Variants in ACSBG1 observed in about 807,000 individuals in gnomAD.
ACSBG1 encodes the protein long-chain-fatty-acid--CoA ligase ACSBG1.
ACSBG1 carries 39 observed loss-of-function variants against 80.2 expected under a neutral mutation model. The observed-to-expected ratio is 0.49, with a 90% CI of 0.38 to 0.64. ACSBG1 has a LOEUF of 0.64. Among genes scored for constraint, ACSBG1 ranks in the 30% least tolerant of loss-of-function variants. The pLI, the probability that ACSBG1 is intolerant of heterozygous loss-of-function variation, is 0.00. For synonymous variants in ACSBG1, 392 were observed against 379.5 expected, an observed-to-expected ratio of 1.03 and a Z score of -0.38; for missense variants, 828 against 966.4, an observed-to-expected ratio of 0.86 and a Z score of 1.90.
chr15:78,178,473 T>C lies in ACSBG1; in HGVS notation c.1702+141A>G. 1.1e-6 allele frequency: 1 copy of C among 902,904 alleles called. No individual in the cohort carries two copies. The highest frequency in any genetic ancestry group is 1.6e-6 in the Non-Finnish European group (1 of 621,988). The allele number at this position is 902,904 out of a possible 1,614,324, so 55.9% of individuals were successfully genotyped here. On this transcript the variant is annotated intron_variant, in intron 11 of 13. Coordinates refer to ENST00000258873, the MANE Select transcript of ACSBG1 (RefSeq NM_015162.5). This position sits in a 1 kb window ranked among gnomAD's most constrained non-coding sequence, Gnocchi z 4.3. Reference sequence around the variant, plus strand: ...GCCACCACGCCCAGCTAATTTTTCGTGTGTTTTTAGTAGAGATGGGGTTTC... The same window carrying C: ...GCCACCACGCCCAGCTAATTTTTCGCGTGTTTTTAGTAGAGATGGGGTTTC...
At chr15:78,175,275 A>C (rs2074871504) in intron 11 of ACSBG1, among the ~76,000 whole-genome samples, 1 of 152,264 alleles carries the variant, frequency 6.6e-6, no homozygotes, top group African/African-American at 2.4e-5. Context: ...AAATTTAACG[A>C]ATGTACATTG....
chr15:78,223,316 T>C (rs2075374149), intron 1 of ACSBG1, among the ~76,000 whole-genome samples: 1 of 151,914 alleles, frequency 6.6e-6, no homozygotes, highest in Admixed American at 6.6e-5. Context: ...TCAGGAAAAA[T>C]AGCTAATGCA....
chr15:78,180,629 C>T (rs961079691), intron 9 of ACSBG1, 126 bp downstream of exon 9: 41 of 1,248,936 alleles, frequency 3.3e-5, no homozygotes, highest in African/African-American at 1.1e-4. Flanking sequence ...GGCCTCTGCA[C>T]GGGGTCTCCA....
At position 78,172,387 on chromosome 15, in the gene ACSBG1, G is replaced by A. The variant is rs1024143815; in HGVS notation, c.2090-858C>T. Among the ~76,000 whole-genome samples, 2 of 152,108 alleles carry A rather than the reference G, an allele frequency of 1.3e-5. No homozygotes were observed. The highest frequency in any genetic ancestry group is 2.4e-5 in the African/African-American group (1 of 41,406). On this transcript the variant is annotated intron_variant, in intron 13 of 13. Transcript: ENST00000258873. This position sits in a 1 kb window ranked among gnomAD's most constrained non-coding sequence, Gnocchi z 4.1. ...CTTTGATGGTTGTGATGGGGGTAGG[G>A]GAAGCCCAGGTTATGGGGAGCCTCT...
chr15:78,217,808 G>A (rs1316629025), intron 1 of ACSBG1, among the ~76,000 whole-genome samples: 10 of 151,996 alleles, frequency 6.6e-5, no homozygotes, highest in African/African-American at 9.7e-5. Flanking sequence ...CTCGTGATCC[G>A]CCTGCCTCGG....
chr15:78,201,770 C>G lies in ACSBG1; in HGVS notation c.232+6232G>C, dbSNP rs191263209. 1.3e-3 allele frequency among the ~76,000 whole-genome samples: 201 copies of G among 152,334 alleles called. 2 individuals carry two copies. The highest frequency in any genetic ancestry group is 4.6e-3 in the African/African-American group (192 of 41,564). ...TAGAAGGGCTGGGCCTGGGTTTTAG[C>G]TACTGGCAAGGTACGCCAAATGCAA... On this transcript the variant is annotated intron_variant, in intron 2 of 13. Transcript: ENST00000258873.
At chr15:78,185,035 AAAGGGGCGGAGGG>A (rs2074985287) in intron 5 of ACSBG1, among the ~76,000 whole-genome samples, 1 of 136,998 alleles carries the variant, frequency 7.3e-6, no homozygotes, top group Non-Finnish European at 1.5e-5. Flanking sequence ...AGAGGGAGAG[AAAGGGGCGGAGGG>A]GAGGGAGAGA....
intron 1 of ACSBG1, among the ~76,000 whole-genome samples, chr15:78,210,073 T>C (rs935083141): frequency 7.2e-5 from 11 of 152,218 alleles, no homozygotes; most frequent in African/African-American, 2.4e-4. Context: ...ATAGGGACGA[T>C]GAGGCTGTTG....
At chr15:78,215,688 G>A (rs1203909578) in intron 1 of ACSBG1, among the ~76,000 whole-genome samples, 2 of 136,602 alleles carry the variant, frequency 1.5e-5, no homozygotes, top group African/African-American at 5.5e-5. Flanking sequence ...AGAAGGGAAG[G>A]GAAAAGAAAA....
At chr15:78,215,281 T>C (rs754240707) in intron 1 of ACSBG1, among the ~76,000 whole-genome samples, 1 of 152,168 alleles carries the variant, frequency 6.6e-6, no homozygotes, top group Non-Finnish European at 1.5e-5. Context: ...TTGACGTTGG[T>C]AGAGAATGAC....
In ACSBG1 at chr15:78,180,891, T is replaced by A; in HGVS notation, c.1117A>T (p.Met373Leu). ...TLREVEPTSHMGVPRVWEKIM... is the reference protein window; with the variant it reads ...TLREVEPTSHLGVPRVWEKIM... The stretch of plus-strand genomic sequence containing the variant: ...TTCTCCCATACCCGGGGCACCCCCA[T>A]GTGTGATGTGGGCTCCACCTCCCGC... The change falls in exon 9 of 14, where the codon ATG (methionine) becomes TTG (leucine). Residue 373 changes from methionine (M) to leucine (L), a missense_variant. Coordinates refer to ENST00000258873, the MANE Select transcript of ACSBG1 (RefSeq NM_015162.5). The A allele has an allele frequency of 6.2e-7, 1 of 1,614,216 alleles. No homozygotes were observed. The highest frequency in any genetic ancestry group is 2.2e-5 in the East Asian group (1 of 44,882).
Position 78,177,568 on chromosome 15 carries a change from C to T in ACSBG1, c.1702+1046G>A, listed in dbSNP as rs559578413. Reference sequence around the variant, plus strand: ...ACAAAGAGGCACACTAGGCGGCGCCCATGGCACATCCAAGCAGTCACCTGT... The same window carrying T: ...ACAAAGAGGCACACTAGGCGGCGCCTATGGCACATCCAAGCAGTCACCTGT... On this transcript the variant is annotated intron_variant, in intron 11 of 13. Transcript: ENST00000258873. This position sits in a 1 kb window ranked among gnomAD's most constrained non-coding sequence, Gnocchi z 4.1. 6.6e-6 allele frequency among the ~76,000 whole-genome samples: 1 copy of T among 152,282 alleles called. No individual in the cohort carries two copies. The highest frequency in any genetic ancestry group is 2.4e-5 in the African/African-American group (1 of 41,558).
chr15:78,180,608 G>A (rs1595881797), intron 9 of ACSBG1, 147 bp downstream of exon 9: 3 of 1,010,352 alleles, frequency 3.0e-6, no homozygotes, highest in Non-Finnish European at 2.8e-6. Flanking sequence ...CTCAAGCCCA[G>A]TCATTGATGG....
rs531699834 is a variant in ACSBG1 at position 78,202,899 on chromosome 15, C to A, written c.232+5103G>T. Among the ~76,000 whole-genome samples, 19 of 152,318 alleles carry A rather than the reference C, an allele frequency of 1.2e-4. No individual in the cohort carries two copies. The South Asian group carries it at 3.9e-3, about 32-fold the overall frequency. ...TGTCTATTAGCAAAGCCATTGGAAACAACCCGAATGTCCAACAGGGGACTG... is the reference window on the plus strand; with the variant it reads ...TGTCTATTAGCAAAGCCATTGGAAAAAACCCGAATGTCCAACAGGGGACTG... On this transcript the variant is annotated intron_variant, in intron 2 of 13. Transcript: ENST00000258873.
At chr15:78,213,324 T>C (rs1001568417) in intron 1 of ACSBG1, 4 of 152,362 alleles carry the variant, frequency 2.6e-5, no homozygotes, top group African/African-American at 4.8e-5. Flanking sequence ...ACTTCAAAGA[T>C]TGGGCCTCTG....
chr15:78,211,700 T>C (rs2075268690), intron 1 of ACSBG1, among the ~76,000 whole-genome samples: 1 of 152,146 alleles, frequency 6.6e-6, no homozygotes, highest in Admixed American at 6.5e-5. Flanking sequence ...GCACTGCGCC[T>C]TTCTCTTAAC....
Position 78,224,708 on chromosome 15 carries a change from G to A in ACSBG1, c.131+9663C>T, listed in dbSNP as rs995879066. Among the ~76,000 whole-genome samples, 3 of 149,960 alleles carry A rather than the reference G, an allele frequency of 2.0e-5. 1 individual carries two copies. The highest frequency in any genetic ancestry group is 1.3e-4 in the Admixed American group (2 of 15,108). ...TGCACTCCAGCCTGGGCGACAGAGC[G>A]AGACTCCGCCTCAAAAAAAAAAGAA... On this transcript the variant is annotated intron_variant, in intron 1 of 13. Coordinates refer to ENST00000258873, the MANE Select transcript of ACSBG1 (RefSeq NM_015162.5).
chr15:78,187,881 A>AAT (rs2075020849), intron 5 of ACSBG1, among the ~76,000 whole-genome samples: 1 of 152,188 alleles, frequency 6.6e-6, no homozygotes, highest in Admixed American at 6.6e-5. Flanking sequence ...GAGGAAGTCA[A>AAT]ATTGTCCCTG....
intron 5 of ACSBG1, 84 bp from the exon 6 acceptor site, chr15:78,182,869 G>C (rs998391308): frequency 4.1e-6 from 6 of 1,467,076 alleles, no homozygotes; most frequent in African/African-American, 2.8e-5. Flanking sequence ...GTGTGAGTCG[G>C]CTTAGTAAAG....
Sources: allele counts gnomAD v4.1 joint callset (sites outside exome capture counted in the v4.1 genomes callset), GRCh38; gene constraint gnomAD v4.1.1; non-coding constraint Gnocchi (gnomAD v3.1); transcripts MANE v1.5; gene names NCBI Gene and HGNC (gene_info 2026-07-23, HGNC 2026-07-21).